KCNAB2: variants seen among roughly 807,000 people sequenced by gnomAD.
The protein encoded by KCNAB2 is voltage-gated potassium channel subunit beta-2.
Under a neutral mutation model 63.6 loss-of-function variants are expected in KCNAB2, and 29 were observed. That is an observed-to-expected ratio of 0.46 (90% confidence interval 0.34 to 0.62). The LOEUF (loss-of-function observed/expected upper bound fraction) is 0.62. KCNAB2 is among the 20% of genes least tolerant of loss of function. The pLI is 0.01. For synonymous variants in KCNAB2, 222 were observed against 224.2 expected, an observed-to-expected ratio of 0.99 and a Z score of 0.09; for missense variants, 359 against 563.9, an observed-to-expected ratio of 0.64 and a Z score of 3.68.
rs997337946 is a variant in KCNAB2 at position 6,099,860 on chromosome 1, C to G, written c.*1286C>G. ...GAGGGCAGGACAGGCCAGAGTGACG[C>G]CCCCGTGCAGCTTGGGCCGGAGGGC... is the stretch of plus-strand genomic sequence containing the variant. On this transcript the variant is annotated 3_prime_UTR_variant, in exon 16 of 16. Transcript: ENST00000378083. The G allele has an allele frequency of 2.6e-6, 4 of 1,548,540 alleles. No homozygotes were observed. The highest frequency in any genetic ancestry group is 1.4e-5 in the African/African-American group (1 of 73,016).
At chr1:6,038,725 C>T (rs1164808321) in intron 1 of KCNAB2, among the ~76,000 whole-genome samples, 1 of 152,224 alleles carries the variant, frequency 6.6e-6, no homozygotes, top group East Asian at 1.9e-4. Flanking sequence ...AATCCCCTCC[C>T]TTACTTTGAT....
intron 2 of KCNAB2, among the ~76,000 whole-genome samples, chr1:6,059,414 C>G (rs544640344): frequency 3.3e-5 from 5 of 152,166 alleles, no homozygotes; most frequent in African/African-American, 1.2e-4. Context: ...AGCTGGGAAC[C>G]CCTGGGCTCA....
intron 1 of KCNAB2, among the ~76,000 whole-genome samples, chr1:6,014,505 A>G (rs1167661208): frequency 1.3e-5 from 2 of 152,270 alleles, no homozygotes; most frequent in Admixed American, 1.3e-4. Flanking sequence ...AACTCAAATC[A>G]AAAATAAATG....
intron 2 of KCNAB2, among the ~76,000 whole-genome samples, chr1:6,066,629 C>G (rs1662779803): frequency 6.6e-6 from 1 of 152,202 alleles, no homozygotes; most frequent in South Asian, 2.1e-4. Flanking sequence ...AGGGCCCCCC[C>G]AACATCCTCC....
rs1481625496 is a variant in KCNAB2 at position 6,073,651 on chromosome 1, C to T, written c.263-82C>T. On this transcript the variant is annotated intron_variant, in intron 3 of 15. Transcript: ENST00000378083. The surrounding 1 kb of genome is among the most constrained non-coding windows in gnomAD (Gnocchi z 5.7). ...GACACCTGTGGCTGCCCCCTGTGCC[C>T]TACAGCCTGAGGTCTGAGCACCGAC... 2 of 1,375,272 alleles carry T rather than the reference C, an allele frequency of 1.5e-6. No homozygotes were observed. Among genetic ancestry groups the T allele is most frequent in the Non-Finnish European group, 2.1e-6 (2 of 963,324 alleles). The allele number at this position is 1,375,272 out of a possible 1,614,324, so 85.2% of individuals were successfully genotyped here.
intron 1 of KCNAB2, among the ~76,000 whole-genome samples, chr1:6,017,788 C>CA (rs768691235): frequency 0.032 from 3,691 of 116,236 alleles, 123 homozygotes; most frequent in African/African-American, 0.097. Context: ...AAGACTGTCT[C>CA]AAAAAAAAAA....
intron 1 of KCNAB2, chr1:6,027,566 A>G (rs1263740573): frequency 6.6e-6 from 1 of 152,238 alleles, no homozygotes; most frequent in Admixed American, 6.5e-5. Flanking sequence ...TTTTTTGTTC[A>G]TTGCAGCATT....
At chr1:6,098,254 ACC>A in intron 15 of KCNAB2, 3 of 1,333,032 alleles carry the variant, frequency 2.3e-6, no homozygotes, top group Non-Finnish European at 2.9e-6. Flanking sequence ...GTTCTAGGGC[ACC>A]TTGACATTTG....
intron 7 of KCNAB2, among the ~76,000 whole-genome samples, chr1:6,088,164 A>T (rs1411400172): frequency 6.6e-6 from 1 of 151,402 alleles, no homozygotes; most frequent in East Asian, 1.9e-4. Context: ...GGCTCGAGCG[A>T]GCCTCCCACC....
intron 1 of KCNAB2, chr1:5,992,901 A>G (rs972968034): frequency 2.0e-5 from 3 of 151,788 alleles, no homozygotes; most frequent in African/African-American, 7.3e-5. Context: ...TCCCGTCTCC[A>G]TCTCTTCTTC....
At chr1:6,039,171 CAGT>C (rs1278683608) in intron 1 of KCNAB2, among the ~76,000 whole-genome samples, 2 of 152,138 alleles carry the variant, frequency 1.3e-5, no homozygotes, top group Non-Finnish European at 2.9e-5. Context: ...AGGGCGCAGC[CAGT>C]AGGAGAGGAG....
rs151073237 is a variant in KCNAB2 at position 6,019,169 on chromosome 1, G to A, written c.-52-21348G>A. Among the ~76,000 whole-genome samples, 123 of 152,222 alleles carry A rather than the reference G, an allele frequency of 8.1e-4. 1 individual carries two copies. In the East Asian group the frequency reaches 0.018, roughly 22 times the overall value. Reference sequence around the variant, plus strand: ...TAGCCGGGGGTGGTGGCACACACATGTAGTTCCAGCTACTTGGGAGGCTGA... The same window carrying A: ...TAGCCGGGGGTGGTGGCACACACATATAGTTCCAGCTACTTGGGAGGCTGA... On this transcript the variant is annotated intron_variant, in intron 1 of 16. Coordinates refer to the KCNAB2 transcript ENST00000341524.
At chr1:6,085,517 G>A (rs909783593) in intron 6 of KCNAB2, among the ~76,000 whole-genome samples, 1 of 152,180 alleles carries the variant, frequency 6.6e-6, no homozygotes, top group Non-Finnish European at 1.5e-5. Context: ...GAGACCCAGA[G>A]CACCAGGGTC....
chr1:6,040,725 C>A, intron 2 of KCNAB2: 1 of 893,638 alleles, frequency 1.1e-6, no homozygotes, highest in Admixed American at 2.0e-5. Context: ...CCACTGTCCT[C>A]CCCTCTGGAG....
intron 1 of KCNAB2, among the ~76,000 whole-genome samples, chr1:6,050,196 G>A (rs935047115): frequency 1.3e-5 from 2 of 152,218 alleles, no homozygotes; most frequent in African/African-American, 2.4e-5. Context: ...GGGGCAGAAG[G>A]TGGGGACAGT....
intron 2 of KCNAB2, among the ~76,000 whole-genome samples, chr1:6,060,368 C>T (rs545048979): frequency 5.9e-5 from 9 of 152,346 alleles, no homozygotes; most frequent in African/African-American, 1.9e-4. Flanking sequence ...ATGGGGTCTT[C>T]AGCTCTTACT....
chr1:5,998,925 G>A (rs946132957), intron 1 of KCNAB2, among the ~76,000 whole-genome samples: 8 of 152,360 alleles, frequency 5.3e-5, no homozygotes, highest in Admixed American at 1.3e-4. Context: ...GGACTTTGCC[G>A]CCAATGGCTC....
upstream of KCNAB2, among the ~76,000 whole-genome samples, chr1:6,040,894 TCCTTTCTTGTCCCTGA>T (rs1660447219): frequency 6.6e-6 from 1 of 152,254 alleles, no homozygotes; most frequent in Non-Finnish European, 1.5e-5. Flanking sequence ...CAGAGTAGAC[TCCTTTCTTGTCCCTGA>T]CCCTTCCGAA....
At chr1:6,037,248 G>A (rs1660113289) in intron 1 of KCNAB2, among the ~76,000 whole-genome samples, 1 of 152,214 alleles carries the variant, frequency 6.6e-6, no homozygotes, top group South Asian at 2.1e-4. Flanking sequence ...TGTGATTCCG[G>A]AATTCTGGAA....
Sources: gnomAD v4.1 joint callset for allele counts (sites outside exome capture counted in the v4.1 genomes callset) on GRCh38, gnomAD v4.1.1 for gene constraint, Gnocchi (gnomAD v3.1) non-coding constraint, MANE v1.5 for transcripts, NCBI Gene and HGNC (gene_info 2026-07-23, HGNC 2026-07-21) for gene names.